Variants in SF3A1 observed in about 807,000 individuals in gnomAD.
SF3A1 encodes SAP 114.
SF3A1 carries 13 observed loss-of-function variants against 89.9 expected under a neutral mutation model. The ratio of observed to expected loss-of-function variants is 0.14; its 90% CI spans 0.09 to 0.23. The LOEUF (loss-of-function observed/expected upper bound fraction) is 0.23, where lower values mean the gene tolerates loss of function less well. Ranked by LOEUF, SF3A1 falls within the 10% of genes least tolerant of loss-of-function variation. The pLI is 1.00. For synonymous variants in SF3A1, 405 were observed against 374.4 expected, an observed-to-expected ratio of 1.08 and a Z score of -0.94; for missense variants, 604 against 1,022.1, an observed-to-expected ratio of 0.59 and a Z score of 5.58.
intron 3 of SF3A1, 74 bp from the exon 4 acceptor site, chr22:30,345,264 A>G: frequency 7.2e-7 from 1 of 1,387,656 alleles, no homozygotes; most frequent in Non-Finnish European, 1.0e-6. Context: ...GGGAGGGGAC[A>G]TGGGCATGCA....
chr22:30,340,472 G>T, intron 8 of SF3A1, 91 bp from the exon 9 acceptor site: 1 of 1,324,590 alleles, frequency 7.5e-7, no homozygotes. Context: ...ATTCATCAAG[G>T]CATCTATTCA....
chr22:30,340,198 G>T lies in SF3A1; in HGVS notation c.1373C>A (p.Pro458Gln), dbSNP rs1292851438. ...EKQSDDEVYAPGLDIESSLKQ... is the reference protein window; with the variant it reads ...EKQSDDEVYAQGLDIESSLKQ... The stretch of plus-strand genomic sequence containing the variant: ...CTCTCCTGGAACCCCCACCTCACCT[G>T]GTGCGTACACCTCATCATCGCTCTG... The change falls in exon 9 of 16, where the codon CCA becomes CAA. Residue 458 changes from proline to glutamine, a missense_variant and splice_region_variant. Physicochemically the swap from Pro to Gln is moderately conservative, Grantham distance 76 (BLOSUM62 -1). Around this residue, in one of 9 missense-constraint regions of SF3A1, gnomAD observed 146 missense variants for 228.5 expected, o/e 0.64. Transcript: ENST00000215793. 1.3e-6 allele frequency: 2 copies of T among 1,536,962 alleles called. No individual in the cohort carries two copies. Among genetic ancestry groups the T allele is most frequent in the East Asian group, 4.7e-5 (2 of 42,714 alleles).
At chr22:30,342,748 G>A (rs5753080) in intron 5 of SF3A1, 57 bp downstream of exon 5, 950,060 of 1,127,378 alleles carry the variant, frequency 0.84, 401,982 homozygotes, top group African/African-American at 0.97. Context: ...ACTGTTTTCA[G>A]ACATAAAACA....
Position 30,334,358 on chromosome 22 carries a change from A to G in SF3A1, c.*236T>C, listed in dbSNP as rs1277267774. 2.6e-6 allele frequency: 1 copy of G among 391,412 alleles called. No homozygotes were observed. Among genetic ancestry groups the G allele is most frequent in the African/African-American group, 2.1e-5 (1 of 46,950 alleles). The allele number at this position is 391,412 out of a possible 1,614,324, so 24.2% of individuals were successfully genotyped here. A position where few individuals can be genotyped will look rare whatever the true frequency, so the allele number is the denominator to read the frequency against. The stretch of plus-strand genomic sequence containing the variant: ...TGAAGAAATGAATGTCCTCAAATCG[A>G]GACCCTAACACAAAGAGATTCCAGA... On this transcript the variant is annotated 3_prime_UTR_variant, in exon 16 of 16. Transcript: ENST00000215793.
At chr22:30,346,999 G>C (rs1373752384) in intron 2 of SF3A1, among the ~76,000 whole-genome samples, 2 of 152,196 alleles carry the variant, frequency 1.3e-5, no homozygotes, top group Admixed American at 1.3e-4. Context: ...GGGGTAGCAA[G>C]TGCTGGAGAG....
chr22:30,338,220 A>G (rs1476063798), intron 11 of SF3A1, among the ~76,000 whole-genome samples: 2 of 152,240 alleles, frequency 1.3e-5, no homozygotes, highest in East Asian at 3.9e-4. Context: ...GCACTTTGGG[A>G]AGCTAAGGCA....
intron 15 of SF3A1, among the ~76,000 whole-genome samples, chr22:30,335,103 G>A (rs555066860): frequency 2.6e-5 from 4 of 152,270 alleles, no homozygotes; most frequent in Admixed American, 6.5e-5. Context: ...GGCATCAGGC[G>A]GGGCTAGACT....
At chr22:30,349,410 A>C (rs2145818708) in intron 2 of SF3A1, among the ~76,000 whole-genome samples, 1 of 152,292 alleles carries the variant, frequency 6.6e-6, no homozygotes, top group African/African-American at 2.4e-5. Context: ...CCTCCCAAGT[A>C]GCTGGGACTA....
chr22:30,342,212 G>T lies in SF3A1; in HGVS notation c.865C>A (p.Pro289Thr). 1 of 1,614,154 alleles carries T rather than the reference G, an allele frequency of 6.2e-7. No individual in the cohort carries two copies. The highest frequency in any genetic ancestry group is 8.5e-7 in the Non-Finnish European group (1 of 1,180,022). Residue 289 changes from proline to threonine, a missense_variant, in exon 6 of 16, where the codon CCC becomes ACC. Around this residue, in one of 9 missense-constraint regions of SF3A1, gnomAD observed 146 missense variants for 228.5 expected, o/e 0.64. Coordinates refer to ENST00000215793, the MANE Select transcript of SF3A1 (RefSeq NM_005877.6). ...FVVVETVDFQPNEQGNFPPPT... is the reference protein window; with the variant it reads ...FVVVETVDFQTNEQGNFPPPT... ...CTCACAGACCTACCTTGCTCATTGG[G>T]TTGGAAGTCCACTGTTTCCACCACC...
intron 6 of SF3A1, 148 bp downstream of exon 6, chr22:30,342,052 A>T: frequency 8.5e-7 from 1 of 1,174,008 alleles, no homozygotes; most frequent in Non-Finnish European, 1.2e-6. Flanking sequence ...GCAAAGTGGT[A>T]GAACTGAAGT....
intron 15 of SF3A1, among the ~76,000 whole-genome samples, chr22:30,335,169 G>A (rs576524417): frequency 6.6e-5 from 10 of 152,254 alleles, no homozygotes; most frequent in Admixed American, 2.6e-4. Context: ...CCCAACCACT[G>A]GATCAGGAAC....
At chr22:30,342,406 AG>A in intron 5 of SF3A1, 56 bp from the exon 6 acceptor site, 1 of 1,539,170 alleles carries the variant, frequency 6.5e-7, no homozygotes, top group Admixed American at 2.0e-5. Flanking sequence ...GCTCCTGATG[AG>A]GCTACCACCT....
At position 30,337,716 on chromosome 22, in the gene SF3A1, C is replaced by T. The variant is rs754430112; in HGVS notation, c.1925G>A (p.Arg642His). 3.0e-6 allele frequency: 4 copies of T among 1,323,504 alleles called. No individual in the cohort carries two copies. The highest frequency in any genetic ancestry group is 2.3e-5 in the African/African-American group (1 of 43,820). The allele number at this position is 1,323,504 out of a possible 1,614,324, so 82.0% of individuals were successfully genotyped here. ...PPSAPPIMAP[R>H]PPPMIVPTAF... ...TGTTGGCACAATCATGGGGGGTGGG[C>T]GGGGGGCCATAATAGGAGGGGCCGA... Residue 642 changes from arginine to histidine, a missense_variant, in exon 12 of 16, where the codon CGC becomes CAC. Transcript: ENST00000215793.
chr22:30,337,107 G>T lies in SF3A1; in HGVS notation c.2025C>A (p.Pro675=). The change falls in exon 13 of 16, where the codon CCC becomes CCA. Residue 675 remains proline, a synonymous_variant. Transcript: ENST00000215793. ...TTTTGGAGGTGGGCTCATCTTCCAT[G>T]GGAGGTGGGGGATGCACAGGGGGCA... The part of the protein sequence containing the change: ...APMPPVHPPP[P]MEDEPTSKKL... The T allele has an allele frequency of 6.2e-7, 1 of 1,614,124 alleles. No homozygotes were observed. Among genetic ancestry groups the T allele is most frequent in the South Asian group, 1.1e-5 (1 of 91,088 alleles).
intron 15 of SF3A1, 25 bp downstream of exon 15, chr22:30,335,436 AAGGGAC>A: frequency 6.3e-7 from 1 of 1,595,930 alleles, no homozygotes; most frequent in Non-Finnish European, 8.6e-7. Flanking sequence ...GTCAGGACCC[AAGGGAC>A]AGGTCTGTGG....
intron 3 of SF3A1, 25 bp downstream of exon 3, chr22:30,346,287 G>C: frequency 6.7e-7 from 1 of 1,486,676 alleles, no homozygotes; most frequent in Non-Finnish European, 9.4e-7. Context: ...CCCTGCGTAA[G>C]TGAAGGGGGC....
At chr22:30,341,253 C>T (rs1447758773) in intron 7 of SF3A1, among the ~76,000 whole-genome samples, 1 of 152,154 alleles carries the variant, frequency 6.6e-6, no homozygotes, top group Admixed American at 6.5e-5. Flanking sequence ...TGGGGGAGAA[C>T]AGTCTGGTTC....
chr22:30,341,812 A>C lies in SF3A1; in HGVS notation c.951T>G (p.Phe317Leu). The change falls in exon 7 of 16, where the codon TTT (phenylalanine) becomes TTG (leucine). Residue 317 changes from phenylalanine (F) to leucine (L), a missense_variant. By Grantham distance (22) the Phe-to-Leu change is conservative. Around this residue, in one of 9 missense-constraint regions of SF3A1, gnomAD observed 146 missense variants for 228.5 expected, o/e 0.64. Coordinates refer to ENST00000215793, the MANE Select transcript of SF3A1 (RefSeq NM_005877.6). Reference protein sequence around the residue: ...RILIQERYEKFGESEEVEMEV... With the variant: ...RILIQERYEKLGESEEVEMEV... ...CCATCTCAACTTCCTCACTCTCCCCAAACTTTTCATAGCGCTCCTGAATGA... is the reference window on the plus strand; with the variant it reads ...CCATCTCAACTTCCTCACTCTCCCCCAACTTTTCATAGCGCTCCTGAATGA... 2 of 1,614,030 alleles carry C rather than the reference A, an allele frequency of 1.2e-6. No homozygotes were observed. Among genetic ancestry groups the C allele is most frequent in the Non-Finnish European group, 1.7e-6 (2 of 1,180,014 alleles).
In SF3A1 at chr22:30,335,622, C is replaced by T. The variant is rs764997991; in HGVS notation, c.2208+30G>A. On this transcript the variant is annotated intron_variant, in intron 14 of 15. Transcript: ENST00000215793. ...CCCCTGAATGCTTGGTTCCCATGCA[C>T]CTGATGCCAGTTTCTGGCAGTACCC... 32 of 1,612,010 alleles carry T rather than the reference C, an allele frequency of 2.0e-5. No homozygotes were observed. In the Admixed American group the frequency reaches 3.0e-4, roughly 15 times the overall value.
Sources: allele counts gnomAD v4.1 joint callset (sites outside exome capture counted in the v4.1 genomes callset), GRCh38; gene constraint gnomAD v4.1.1; regional missense constraint gnomAD v4.1.1; transcripts MANE v1.5; gene names NCBI Gene and HGNC (gene_info 2026-07-23, HGNC 2026-07-21).